The following USP49 variants were observed in gnomAD, a reference collection of about 807,000 sequenced individuals.
USP49 encodes the protein ubiquitin specific peptidase 49, also known as ubiquitin carboxyl-terminal hydrolase 49.
Under a neutral mutation model 58.6 loss-of-function variants are expected in USP49, and 24 were observed. That is an observed-to-expected ratio of 0.41 (90% confidence interval 0.30 to 0.58). USP49 has a LOEUF of 0.58. Among genes scored for constraint, USP49 ranks in the 20% least tolerant of loss-of-function variants. The pLI is 0.30. For synonymous variants in USP49, 408 were observed against 365.1 expected (o/e 1.12, Z -1.34); for missense variants, 703 against 866.1 (o/e 0.81, Z 2.36).
intron 7 of USP49, among the ~76,000 whole-genome samples, chr6:41,797,334 G>A (rs1316351649): frequency 3.3e-5 from 5 of 152,142 alleles, no homozygotes; most frequent in African/African-American, 7.2e-5. Flanking sequence ...AAAGAGCTGC[G>A]ATACTGCAGG....
chr6:41,807,084 A>AG (rs1178580056), intron 3 of USP49, 73 bp from the exon 4 acceptor site: 22 of 1,295,952 alleles, frequency 1.7e-5, no homozygotes, highest in Non-Finnish European at 2.2e-5. Flanking sequence ...CCTTAAAAAA[A>AG]AAAAAAAAAG....
chr6:41,890,337 C>T (rs1362608631), intron 2 of USP49, among the ~76,000 whole-genome samples: 2 of 151,538 alleles, frequency 1.3e-5, no homozygotes, highest in African/African-American at 4.8e-5. Flanking sequence ...CAAGATCATG[C>T]CACTGCACTC....
In USP49 at chr6:41,803,822, A is replaced by G. The variant is rs753999632; in HGVS notation, c.1545T>C (p.Ala515=). The change falls in exon 5 of 8, where the codon GCT becomes GCC. Residue 515 remains alanine (A), a synonymous_variant. Transcript: ENST00000682992. This position sits in a 1 kb window ranked among gnomAD's most constrained non-coding sequence, Gnocchi z 4.1. ...ETEALEGRIY[A]CDQCNSKRRK... Reference sequence around the variant, plus strand: ...AGCACTCACTGTTACACTGGTCACAAGCGTAGATTCTCCCTTCCAGGGCCT... The same window carrying G: ...AGCACTCACTGTTACACTGGTCACAGGCGTAGATTCTCCCTTCCAGGGCCT... The G allele has an allele frequency of 6.8e-6, 11 of 1,613,998 alleles. No individual in the cohort carries two copies. The highest frequency in any genetic ancestry group is 1.3e-5 in the African/African-American group (1 of 74,900).
chr6:41,816,273 C>T (rs1206860358), intron 3 of USP49, among the ~76,000 whole-genome samples: 1 of 152,228 alleles, frequency 6.6e-6, no homozygotes, highest in Non-Finnish European at 1.5e-5. Context: ...ATCCTCCTCA[C>T]AATTCACTCC....
intron 3 of USP49, among the ~76,000 whole-genome samples, chr6:41,829,564 C>T (rs572894574): frequency 1.3e-5 from 2 of 152,344 alleles, no homozygotes; most frequent in South Asian, 4.1e-4. Context: ...CTGCCCACCT[C>T]AGCCTTCCAA....
At chr6:41,820,005 A>G (rs993519995) in intron 3 of USP49, among the ~76,000 whole-genome samples, 2 of 152,210 alleles carry the variant, frequency 1.3e-5, no homozygotes, top group African/African-American at 4.8e-5. Context: ...CATGAAACAA[A>G]GGCAAGTGGG....
At chr6:41,881,715 T>C (rs1774612081) in intron 2 of USP49, among the ~76,000 whole-genome samples, 1 of 152,146 alleles carries the variant, frequency 6.6e-6, no homozygotes, top group Non-Finnish European at 1.5e-5. Context: ...TAACATATTA[T>C]GATGTCATTG....
At chr6:41,808,612 A>G (rs1773186599) in intron 3 of USP49, among the ~76,000 whole-genome samples, 1 of 152,002 alleles carries the variant, frequency 6.6e-6, no homozygotes, top group Non-Finnish European at 1.5e-5. Context: ...GGGTTTCACC[A>G]TGTTGACCAG....
At chr6:41,862,230 G>T (rs1035242818) in intron 3 of USP49, among the ~76,000 whole-genome samples, 1 of 152,046 alleles carries the variant, frequency 6.6e-6, no homozygotes, top group African/African-American at 2.4e-5. Flanking sequence ...TTTAAATTTT[G>T]GATAGAGATC....
intron 3 of USP49, among the ~76,000 whole-genome samples, chr6:41,845,435 G>A (rs1302749044): frequency 8.6e-5 from 13 of 151,802 alleles, no homozygotes; most frequent in African/African-American, 2.4e-4. Flanking sequence ...CAGGAGAATC[G>A]CTTGAACCCA....
At chr6:41,832,238 G>C (rs748881121) in intron 3 of USP49, among the ~76,000 whole-genome samples, 1 of 152,080 alleles carries the variant, frequency 6.6e-6, no homozygotes, top group Admixed American at 6.6e-5. Context: ...TGTAATTCTA[G>C]GTGGAGCTGC....
chr6:41,845,691 C>T (rs1195871562), intron 3 of USP49, among the ~76,000 whole-genome samples: 1 of 152,026 alleles, frequency 6.6e-6, no homozygotes, highest in Non-Finnish European at 1.5e-5. Flanking sequence ...CAGTGAGACC[C>T]TGTCTCTAAA....
At chr6:41,839,306 T>A (rs1286829465) in intron 3 of USP49, among the ~76,000 whole-genome samples, 1 of 142,028 alleles carries the variant, frequency 7.0e-6, no homozygotes, top group African/African-American at 2.6e-5. Flanking sequence ...CTTGGGAGGC[T>A]GAGGTGGGAA....
chr6:41,800,069 C>T (rs1462114324), intron 5 of USP49, 131 bp from the exon 6 acceptor site: 9 of 711,116 alleles, frequency 1.3e-5, no homozygotes, highest in Non-Finnish European at 2.0e-5. Context: ...TTTTGGGGGG[C>T]GCAATGTGAC....
At chr6:41,834,425 G>A (rs759170547) in intron 3 of USP49, among the ~76,000 whole-genome samples, 1 of 152,246 alleles carries the variant, frequency 6.6e-6, no homozygotes, top group East Asian at 1.9e-4. Flanking sequence ...TTTTATATAT[G>A]AGGATCTTGA....
intron 2 of USP49, among the ~76,000 whole-genome samples, chr6:41,876,465 A>T (rs1774506835): frequency 6.6e-6 from 1 of 152,130 alleles, no homozygotes; most frequent in Admixed American, 6.5e-5. Flanking sequence ...TGCCCAGGCT[A>T]GAGTGCAGTG....
chr6:41,858,436 C>T (rs997298149), intron 3 of USP49, among the ~76,000 whole-genome samples: 1 of 152,134 alleles, frequency 6.6e-6, no homozygotes, highest in Non-Finnish European at 1.5e-5. Flanking sequence ...CATATCCCAT[C>T]AATTCCCAAA....
chr6:41,865,106 G>A (rs750126433), intron 3 of USP49, among the ~76,000 whole-genome samples: 1 of 151,932 alleles, frequency 6.6e-6, no homozygotes, highest in African/African-American at 2.4e-5. Flanking sequence ...GTGCAATGGT[G>A]CAATCTCGGC....
chr6:41,829,093 T>TA (rs1409961416), intron 3 of USP49, among the ~76,000 whole-genome samples: 4 of 152,250 alleles, frequency 2.6e-5, no homozygotes, highest in Admixed American at 6.5e-5. Context: ...ATAGAATCTT[T>TA]AAAAAAGTAT....
Sources: allele counts gnomAD v4.1 joint callset (sites outside exome capture counted in the v4.1 genomes callset), GRCh38; gene constraint gnomAD v4.1.1; non-coding constraint Gnocchi (gnomAD v3.1); transcripts MANE v1.5; gene names NCBI Gene and HGNC (gene_info 2026-07-23, HGNC 2026-07-21).